TTBK1: variants seen among roughly 807,000 people sequenced by gnomAD.
The protein encoded by TTBK1 is tau-tubulin kinase 1.
A neutral mutation model predicts 108.5 loss-of-function variants in TTBK1; 34 were observed. The observed-to-expected ratio is 0.31, with a 90% CI of 0.24 to 0.42. The LOEUF is 0.42. Among genes scored for constraint, TTBK1 ranks in the 10% least tolerant of loss-of-function variants. TTBK1 has a pLI of 1.00. For missense variants in TTBK1, 1,539 were observed against 1,826.0 expected (o/e 0.84, Z 2.86); for synonymous variants, 809 against 795.1 (o/e 1.02, Z -0.29).
Position 43,259,271 on chromosome 6 carries a change from T to G in TTBK1, c.1248+2T>G. 6.5e-7 allele frequency: 1 copy of G among 1,545,738 alleles called. No homozygotes were observed. Among genetic ancestry groups the G allele is most frequent in the Non-Finnish European group, 8.7e-7 (1 of 1,146,528 alleles). ...AAACTCCGGATCAACATCGGCAAAGTAACTGCCGCCAGGGCGAAGGGCGTG... is the reference window on the plus strand; with the variant it reads ...AAACTCCGGATCAACATCGGCAAAGGAACTGCCGCCAGGGCGAAGGGCGTG... On this transcript the variant is annotated splice_donor_variant, in intron 11 of 14. Coordinates refer to ENST00000259750, the MANE Select transcript of TTBK1 (RefSeq NM_032538.3). LOFTEE classifies it high-confidence loss of function. This position sits in a 1 kb window ranked among gnomAD's most constrained non-coding sequence, Gnocchi z 6.7.
chr6:43,265,803 G>A lies in TTBK1; in HGVS notation c.1986+2453G>A, dbSNP rs1468395039. Among the ~76,000 whole-genome samples the A allele has an allele frequency of 6.6e-6, 1 of 152,174 alleles. No individual in the cohort carries two copies. The highest frequency in any genetic ancestry group is 2.4e-5 in the African/African-American group (1 of 41,436). The stretch of plus-strand genomic sequence containing the variant: ...AGTCAGGAGACTGAGGTCTGGACCT[G>A]GCTCTGCCGTTCCCTTCCCAGTGAC... On this transcript the variant is annotated intron_variant, in intron 13 of 14. Coordinates refer to ENST00000259750, the MANE Select transcript of TTBK1 (RefSeq NM_032538.3). The surrounding 1 kb of genome is among the most constrained non-coding windows in gnomAD (Gnocchi z 4.1).
intron 10 of TTBK1, 67 bp downstream of exon 10, chr6:43,258,033 T>C: frequency 6.6e-7 from 1 of 1,520,154 alleles, no homozygotes; most frequent in Non-Finnish European, 8.9e-7. Context: ...CAGGCGGTCC[T>C]CTCCTCTCCT....
chr6:43,261,214 A>C (rs1777532546), intron 12 of TTBK1, among the ~76,000 whole-genome samples: 1 of 152,208 alleles, frequency 6.6e-6, no homozygotes. Context: ...CCCCACAGGC[A>C]GTTCTGATCT....
In TTBK1 at chr6:43,281,782, T is replaced by A. The variant is rs1033353585; in HGVS notation, c.1987-945T>A. ...GGACATCGTCAGCACCGTCCCACCA[T>A]GGAACAAAGCTGTGTCAGCCCTGAT... is the stretch of plus-strand genomic sequence containing the variant. On this transcript the variant is annotated intron_variant, in intron 13 of 14. Coordinates refer to ENST00000259750, the MANE Select transcript of TTBK1 (RefSeq NM_032538.3). 7.9e-5 allele frequency among the ~76,000 whole-genome samples: 12 copies of A among 152,126 alleles called. No homozygotes were observed. The South Asian group carries it at 2.3e-3, about 29-fold the overall frequency.
rs1421870833 is a variant in TTBK1, at chr6:43,259,521, T to C, written c.1249-10T>C. 9.0e-6 allele frequency: 14 copies of C among 1,554,672 alleles called. No individual in the cohort carries two copies. Among genetic ancestry groups the C allele is most frequent in the African/African-American group, 1.4e-5 (1 of 72,988 alleles). On this transcript the variant is annotated splice_polypyrimidine_tract_variant and intron_variant, in intron 11 of 14. Transcript: ENST00000259750. The surrounding 1 kb of genome is among the most constrained non-coding windows in gnomAD (Gnocchi z 6.7). The stretch of plus-strand genomic sequence containing the variant: ...TCAGCCCCAGCTCATGGCACTCCCC[T>C]CTCCTGCAGAGCCCCTGTGTGGAGG...
intron 2 of TTBK1, among the ~76,000 whole-genome samples, chr6:43,250,541 T>C (rs1269563046): frequency 6.6e-6 from 1 of 151,996 alleles, no homozygotes; most frequent in Non-Finnish European, 1.5e-5. Context: ...TAGTTTTAAA[T>C]AGAGACAGGG....
intron 2 of TTBK1, among the ~76,000 whole-genome samples, chr6:43,247,048 A>G (rs552157835): frequency 9.2e-4 from 140 of 152,286 alleles, no homozygotes; most frequent in African/African-American, 3.3e-3. Context: ...ATGTCTGGGC[A>G]GGAGCTGCAG....
intron 12 of TTBK1, 118 bp from the exon 13 acceptor site, chr6:43,262,671 T>G: frequency 2.1e-6 from 2 of 972,616 alleles, no homozygotes; most frequent in South Asian, 1.9e-5. Flanking sequence ...TGGCTCAGGG[T>G]GGGAGGGGTA....
chr6:43,284,976 C>G lies in TTBK1; in HGVS notation c.3573-7C>G. On this transcript the variant is annotated splice_region_variant and splice_polypyrimidine_tract_variant and intron_variant, in intron 14 of 14. Transcript: ENST00000259750. ...CTTCTTTTCTCCTGCCTTCTGCTCTCAAGCAGGCTCCAGCTGCAGACGCCC... is the reference window on the plus strand; with the variant it reads ...CTTCTTTTCTCCTGCCTTCTGCTCTGAAGCAGGCTCCAGCTGCAGACGCCC... 2 of 1,512,336 alleles carry G rather than the reference C, an allele frequency of 1.3e-6. No homozygotes were observed. The highest frequency in any genetic ancestry group is 1.8e-6 in the Non-Finnish European group (2 of 1,136,368). The allele number at this position is 1,512,336 out of a possible 1,614,324, so 93.7% of individuals were successfully genotyped here. A position where few individuals can be genotyped will look rare whatever the true frequency, so the allele number is the denominator to read the frequency against.
chr6:43,283,996 C>T lies in TTBK1; in HGVS notation c.3256C>T (p.Gln1086Ter). The change falls in exon 14 of 15, where the codon CAG becomes TAG. Residue 1086 changes from glutamine to a stop codon, truncating the protein, a stop_gained. Coordinates refer to ENST00000259750, the MANE Select transcript of TTBK1 (RefSeq NM_032538.3). LOFTEE classifies it high-confidence loss of function. This position sits in a 1 kb window ranked among gnomAD's most constrained non-coding sequence, Gnocchi z 8.1. ...KERWSKRARP[Q>*]QDLARLVMEK... ...GCGGTGGAGCAAGCGGGCTCGGCCG[C>T]AGCAGGACCTGGCGCGGCTGGTGAT... 6.2e-7 allele frequency: 1 copy of T among 1,602,814 alleles called. No individual in the cohort carries two copies. The highest frequency in any genetic ancestry group is 8.5e-7 in the Non-Finnish European group (1 of 1,174,626).
At position 43,257,927 on chromosome 6, in the gene TTBK1, C is replaced by G; in HGVS notation, c.977C>G (p.Pro326Arg). Residue 326 changes from proline to arginine, a missense_variant, in exon 10 of 15, where the codon CCG becomes CGG. Physicochemically the swap from Pro to Arg is moderately radical, Grantham distance 103 (BLOSUM62 -2). Coordinates refer to ENST00000259750, the MANE Select transcript of TTBK1 (RefSeq NM_032538.3). This position sits in a 1 kb window ranked among gnomAD's most constrained non-coding sequence, Gnocchi z 4.5. ...DALLSTSTST[P>R]PQQNTRQTAA... ...CTCCTGTCCACGAGCACCTCTACCC[C>G]GCCCCAGCAGAACACCCGGCAGACG... 2 of 1,613,860 alleles carry G rather than the reference C, an allele frequency of 1.2e-6. No homozygotes were observed. Among genetic ancestry groups the G allele is most frequent in the Non-Finnish European group, 1.7e-6 (2 of 1,179,964 alleles).
chr6:43,251,446 TTCAGTGGACC>T (rs1321444563), intron 2 of TTBK1, among the ~76,000 whole-genome samples: 1 of 152,184 alleles, frequency 6.6e-6, no homozygotes, highest in African/African-American at 2.4e-5. Flanking sequence ...TTTTTCTTTT[TTCAGTGGACC>T]TCCTCTGAGA....
At chr6:43,246,518 C>A in intron 1 of TTBK1, 89 bp from the exon 2 acceptor site, 2 of 583,606 alleles carry the variant, frequency 3.4e-6, no homozygotes, top group South Asian at 2.3e-5. Flanking sequence ...AGGAAGAATG[C>A]AGAGCAGGAG....
rs1222179890 is a variant in TTBK1 at position 43,263,751 on chromosome 6, G to A, written c.1986+401G>A. On this transcript the variant is annotated intron_variant, in intron 13 of 14. Coordinates refer to ENST00000259750, the MANE Select transcript of TTBK1 (RefSeq NM_032538.3). The surrounding 1 kb of genome is among the most constrained non-coding windows in gnomAD (Gnocchi z 4.7). ...GAGGGACTTGGGGCTATACTAAGGG[G>A]CCAGGACTTGATGCTGCAGGTTTGG... Among the ~76,000 whole-genome samples the A allele has an allele frequency of 6.6e-6, 1 of 152,198 alleles. No individual in the cohort carries two copies. Among genetic ancestry groups the A allele is most frequent in the East Asian group, 1.9e-4 (1 of 5,194 alleles).
In TTBK1 at chr6:43,257,282, G is replaced by A. The variant is rs1777407431; in HGVS notation, c.862-530G>A. Among the ~76,000 whole-genome samples the A allele has an allele frequency of 6.6e-6, 1 of 152,212 alleles. No homozygotes were observed. The highest frequency in any genetic ancestry group is 1.5e-5 in the Non-Finnish European group (1 of 68,018). On this transcript the variant is annotated intron_variant, in intron 9 of 14. Coordinates refer to ENST00000259750, the MANE Select transcript of TTBK1 (RefSeq NM_032538.3). This position sits in a 1 kb window ranked among gnomAD's most constrained non-coding sequence, Gnocchi z 4.5. The stretch of plus-strand genomic sequence containing the variant: ...CACAGCTGCGAGCACCCCCCAGGCT[G>A]GGGCCCTGTGCTGGCTGCTAGGGAT...
intron 13 of TTBK1, among the ~76,000 whole-genome samples, chr6:43,275,567 G>A (rs6936690): frequency 0.012 from 1,778 of 148,268 alleles, 45 homozygotes; most frequent in African/African-American, 0.042. Context: ...CCTGACTCCC[G>A]TTACCTCACT....
intron 13 of TTBK1, among the ~76,000 whole-genome samples, chr6:43,264,008 G>A (rs146556001): frequency 6.6e-6 from 1 of 152,306 alleles, no homozygotes; most frequent in Non-Finnish European, 1.5e-5. Context: ...CAAGCAGGCT[G>A]TGATGGAGTG....
In TTBK1 at chr6:43,269,416, G is replaced by GT. The variant is rs1421071583; in HGVS notation, c.1986+6068dup. Among the ~76,000 whole-genome samples the GT allele has an allele frequency of 6.6e-6, 1 of 152,236 alleles. No individual in the cohort carries two copies. Among genetic ancestry groups the GT allele is most frequent in the Non-Finnish European group, 1.5e-5 (1 of 68,046 alleles). Reference sequence around the variant, plus strand: ...CCTTGCAGAGACCATAGTGTGAGAAGTTCCAGAGAGAAGGAGGAGGGGGAA... The same window carrying GT: ...CCTTGCAGAGACCATAGTGTGAGAAGTTTCCAGAGAGAAGGAGGAGGGGGAA... On this transcript the variant is annotated intron_variant, in intron 13 of 14. Coordinates refer to ENST00000259750, the MANE Select transcript of TTBK1 (RefSeq NM_032538.3). This position sits in a 1 kb window ranked among gnomAD's most constrained non-coding sequence, Gnocchi z 4.8.
intron 13 of TTBK1, among the ~76,000 whole-genome samples, chr6:43,267,524 C>G (rs1168421204): frequency 1.3e-5 from 2 of 152,190 alleles, no homozygotes; most frequent in Non-Finnish European, 2.9e-5. Context: ...AAACTATGAG[C>G]ACCTACAACT....
Sources: gnomAD v4.1 joint callset for allele counts (sites outside exome capture counted in the v4.1 genomes callset) on GRCh38, gnomAD v4.1.1 for gene constraint, Gnocchi (gnomAD v3.1) non-coding constraint, MANE v1.5 for transcripts, NCBI Gene and HGNC (gene_info 2026-07-23, HGNC 2026-07-21) for gene names.